Variants in GTF2F2 observed in about 807,000 individuals in gnomAD.
GTF2F2 encodes the protein general transcription factor IIF subunit 2.
In GTF2F2, 23 loss-of-function variants were observed where a neutral mutation model predicts 42.2. That is an observed-to-expected ratio of 0.55 (90% CI 0.39 to 0.77). GTF2F2 has a LOEUF of 0.77. Ranked by LOEUF, GTF2F2 falls within the 30% of genes least tolerant of loss-of-function variation. The pLI, the probability that GTF2F2 is intolerant of heterozygous loss-of-function variation, is 0.00. For missense variants in GTF2F2, 261 were observed against 287.2 expected (o/e 0.91, Z 0.66); for synonymous variants, 105 against 100.8 (o/e 1.04, Z -0.25).
At chr13:45,150,544 G>A (rs1051521731) in intron 3 of GTF2F2, among the ~76,000 whole-genome samples, 15 of 150,616 alleles carry the variant, frequency 1.0e-4, no homozygotes, top group African/African-American at 3.7e-4. Context: ...CACTTATTCA[G>A]CAATATTATT....
intron 7 of GTF2F2, among the ~76,000 whole-genome samples, chr13:45,275,349 A>G (rs867760015): frequency 1.3e-5 from 2 of 152,010 alleles, no homozygotes; most frequent in Admixed American, 6.6e-5. Context: ...CATGTGCACA[A>G]TGTGCAGGTT....
rs78987439 is a variant in GTF2F2 at position 45,250,908 on chromosome 13, A to G, written c.387-1963A>G. ...ACTCTGTGTGGCACATGAAAAGCAA[A>G]GTATAATTGTAAGTATTATTTATGG... On this transcript the variant is annotated intron_variant, in intron 5 of 7. Transcript: ENST00000340473. 4.1e-3 allele frequency among the ~76,000 whole-genome samples: 618 copies of G among 152,356 alleles called. 8 individuals carry two copies. The highest frequency in any genetic ancestry group is 0.014 in the African/African-American group (595 of 41,590).
At chr13:45,218,703 T>C (rs1873986415) in intron 5 of GTF2F2, among the ~76,000 whole-genome samples, 1 of 152,230 alleles carries the variant, frequency 6.6e-6, no homozygotes, top group African/African-American at 2.4e-5. Context: ...ACATGTTCTT[T>C]GTTCAAGAAA....
At chr13:45,276,232 C>G (rs1409236780) in intron 7 of GTF2F2, among the ~76,000 whole-genome samples, 3 of 152,050 alleles carry the variant, frequency 2.0e-5, no homozygotes, top group Admixed American at 1.3e-4. Context: ...AAATATATAT[C>G]ATAGTGTGTA....
chr13:45,224,613 GTTGTT>G (rs1387232147), intron 5 of GTF2F2, among the ~76,000 whole-genome samples: 5 of 152,272 alleles, frequency 3.3e-5, no homozygotes, highest in African/African-American at 1.2e-4. Flanking sequence ...CTTGGTCTTT[GTTGTT>G]AATGTGATAC....
At chr13:45,132,348 G>A (rs1435449354) in intron 1 of GTF2F2, among the ~76,000 whole-genome samples, 1 of 152,002 alleles carries the variant, frequency 6.6e-6, no homozygotes, top group Non-Finnish European at 1.5e-5. Flanking sequence ...AAGCTTACGT[G>A]GTTGGTAGAA....
chr13:45,125,976 C>T (rs1868973345), intron 1 of GTF2F2, among the ~76,000 whole-genome samples: 1 of 152,100 alleles, frequency 6.6e-6, no homozygotes, highest in Non-Finnish European at 1.5e-5. Flanking sequence ...AGTAAGTGGG[C>T]GTGACCTTGA....
intron 5 of GTF2F2, among the ~76,000 whole-genome samples, chr13:45,242,256 CTTTTTTTT>C (rs71184405): frequency 9.5e-6 from 1 of 105,680 alleles, no homozygotes; most frequent in Non-Finnish European, 1.9e-5. Flanking sequence ...GCTGGCACTT[CTTTTTTTT>C]TTTTTTTTTT....
intron 4 of GTF2F2, among the ~76,000 whole-genome samples, chr13:45,191,221 A>AT (rs1218099432): frequency 0.018 from 2,016 of 110,838 alleles, 59 homozygotes; most frequent in East Asian, 0.067. Flanking sequence ...AATACAAAAA[A>AT]AAAATATATA....
intron 5 of GTF2F2, among the ~76,000 whole-genome samples, chr13:45,220,640 C>A (rs889311899): frequency 6.6e-6 from 1 of 152,080 alleles, no homozygotes; most frequent in Non-Finnish European, 1.5e-5. Context: ...TAGTAGAGGT[C>A]ACCCTGGTAA....
rs1871325635 is a variant in GTF2F2 at position 45,167,037 on chromosome 13, A to G, written c.304+15206A>G. Among the ~76,000 whole-genome samples, 3 of 151,880 alleles carry G rather than the reference A, an allele frequency of 2.0e-5. No homozygotes were observed. In the South Asian group the frequency reaches 6.2e-4, roughly 32 times the overall value. On this transcript the variant is annotated intron_variant, in intron 4 of 7. Coordinates refer to ENST00000340473, the MANE Select transcript of GTF2F2 (RefSeq NM_004128.3). Reference sequence around the variant, plus strand: ...GCCTGCCCAGAAGCGAAACTCTGGTAGTGGCCAGCACACTTTGAAAGACTG... The same window carrying G: ...GCCTGCCCAGAAGCGAAACTCTGGTGGTGGCCAGCACACTTTGAAAGACTG...
chr13:45,149,688 G>A, intron 2 of GTF2F2, 82 bp from the exon 3 acceptor site: 1 of 1,285,448 alleles, frequency 7.8e-7, no homozygotes, highest in Non-Finnish European at 1.0e-6. Context: ...TAAATATGAA[G>A]TTTTTTTTTA....
chr13:45,125,059 A>G (rs1431050276), intron 1 of GTF2F2, among the ~76,000 whole-genome samples: 1 of 152,242 alleles, frequency 6.6e-6, no homozygotes, highest in Non-Finnish European at 1.5e-5. Flanking sequence ...GAGAGATGAA[A>G]CTGGAATGGG....
At chr13:45,245,666 A>AATAT (rs372488927) in intron 5 of GTF2F2, among the ~76,000 whole-genome samples, 3,377 of 110,380 alleles carry the variant, frequency 0.031, 54 homozygotes, top group Non-Finnish European at 0.042. Context: ...CCATGGTGTG[A>AATAT]ATATATATAT....
intron 1 of GTF2F2, among the ~76,000 whole-genome samples, chr13:45,129,028 G>A (rs533006880): frequency 1.3e-5 from 2 of 152,306 alleles, no homozygotes; most frequent in East Asian, 1.9e-4. Context: ...CTAAATCGTA[G>A]TCTCCAGTAG....
intron 3 of GTF2F2, among the ~76,000 whole-genome samples, chr13:45,150,486 T>C (rs7992927): frequency 0.25 from 37,259 of 151,558 alleles, 5,158 homozygotes; most frequent in African/African-American, 0.36. Flanking sequence ...GTTCACTTCA[T>C]CCCCCCCATC....
chr13:45,196,108 TA>T (rs1392348956), intron 4 of GTF2F2, among the ~76,000 whole-genome samples: 4 of 152,224 alleles, frequency 2.6e-5, no homozygotes, highest in African/African-American at 7.2e-5. Flanking sequence ...TTTTCAGGTA[TA>T]AAAAATTATA....
At chr13:45,253,330 A>G (rs1300870718) in intron 6 of GTF2F2, among the ~76,000 whole-genome samples, 1 of 152,198 alleles carries the variant, frequency 6.6e-6, no homozygotes, top group Non-Finnish European at 1.5e-5. Flanking sequence ...AAATTATTCT[A>G]TACCTTTGTG....
At chr13:45,212,132 A>G (rs1359909423) in intron 5 of GTF2F2, among the ~76,000 whole-genome samples, 1 of 152,232 alleles carries the variant, frequency 6.6e-6, no homozygotes, top group Non-Finnish European at 1.5e-5. Context: ...AGGTAACATT[A>G]AAGTAGAAGT....
Sources: gnomAD v4.1 joint callset for allele counts (sites outside exome capture counted in the v4.1 genomes callset) on GRCh38, gnomAD v4.1.1 for gene constraint, MANE v1.5 for transcripts, NCBI Gene and HGNC (gene_info 2026-07-23, HGNC 2026-07-21) for gene names.